LCMT1: variants seen among roughly 807,000 people sequenced by gnomAD.
The protein encoded by LCMT1 is leucine carboxyl methyltransferase 1, also known as [Phosphatase 2A protein]-leucine-carboxy methyltransferase 1.
Under a neutral mutation model 47.7 loss-of-function variants are expected in LCMT1, and 32 were observed. That is an observed-to-expected ratio of 0.67 (90% CI 0.51 to 0.90). The LOEUF (loss-of-function observed/expected upper bound fraction) is 0.90. Among genes scored for constraint, LCMT1 ranks in the 40% least tolerant of loss-of-function variants. The pLI is 0.00. For synonymous variants in LCMT1, 152 were observed against 149.7 expected, an observed-to-expected ratio of 1.02 and a Z score of -0.11; for missense variants, 375 against 415.2, an observed-to-expected ratio of 0.90 and a Z score of 0.84.
intron 5 of LCMT1, among the ~76,000 whole-genome samples, chr16:25,154,406 AT>A (rs1961175649): frequency 1.3e-5 from 2 of 149,856 alleles, no homozygotes; most frequent in East Asian, 3.9e-4. Context: ...CCTCTTGTAA[AT>A]TTTTTTATTT....
At chr16:25,133,698 C>T (rs1597572559) in intron 3 of LCMT1, among the ~76,000 whole-genome samples, 1 of 150,890 alleles carries the variant, frequency 6.6e-6, no homozygotes, top group East Asian at 2.0e-4. Context: ...TGCCTGGCCT[C>T]CTGGGCTTAG....
intron 1 of LCMT1, among the ~76,000 whole-genome samples, chr16:25,112,332 A>T (rs528760813): frequency 2.6e-5 from 4 of 152,336 alleles, no homozygotes; most frequent in African/African-American, 9.6e-5. Context: ...TCGATGGGTT[A>T]CGAGGATGAG....
rs1962018761 is a variant in LCMT1, at chr16:25,178,214, T to C, written c.*191T>C. 3 of 572,064 alleles carry C rather than the reference T, an allele frequency of 5.2e-6. No homozygotes were observed. 35.4% of individuals were successfully genotyped at this position (572,064 alleles called of 1,614,324 possible). ...GTTGACATGTCGTTGTTTAAATAAA[T>C]CTCACTTGCCACCAGTCGCCTGTGG... On this transcript the variant is annotated 3_prime_UTR_variant, in exon 11 of 11. Transcript: ENST00000399069.
chr16:25,120,171 T>TA (rs930901963), intron 1 of LCMT1, among the ~76,000 whole-genome samples: 1 of 151,306 alleles, frequency 6.6e-6, no homozygotes, highest in African/African-American at 2.4e-5. Flanking sequence ...AAAAAATATT[T>TA]AAAAAAACCC....
intron 5 of LCMT1, among the ~76,000 whole-genome samples, chr16:25,154,453 A>G (rs920716167): frequency 1.4e-5 from 2 of 146,700 alleles, no homozygotes; most frequent in African/African-American, 5.0e-5. Flanking sequence ...TTTCCTTTTC[A>G]GTTTATAGGA....
At chr16:25,167,561 C>A (rs911451363) in intron 7 of LCMT1, among the ~76,000 whole-genome samples, 1 of 151,912 alleles carries the variant, frequency 6.6e-6, no homozygotes, top group African/African-American at 2.4e-5. Context: ...GTTCTCCAAC[C>A]CCAGTCTCCC....
At chr16:25,157,007 CAATG>C (rs1201022269) in intron 5 of LCMT1, among the ~76,000 whole-genome samples, 1 of 147,412 alleles carries the variant, frequency 6.8e-6, no homozygotes, top group Non-Finnish European at 1.5e-5. Context: ...GGTCACTTTG[CAATG>C]CTTATCAACA....
intron 10 of LCMT1, among the ~76,000 whole-genome samples, chr16:25,175,503 G>A (rs1042170070): frequency 1.3e-5 from 2 of 151,772 alleles, no homozygotes; most frequent in African/African-American, 4.8e-5. Context: ...GTGGTGGCAG[G>A]CACCTGTAAT....
intron 7 of LCMT1, among the ~76,000 whole-genome samples, chr16:25,167,410 C>CA (rs1961619349): frequency 6.6e-6 from 1 of 151,834 alleles, no homozygotes; most frequent in African/African-American, 2.4e-5. Flanking sequence ...CTTGAGCTCC[C>CA]AGGTTCAAGT....
rs539723354 is a variant in LCMT1 at position 25,166,697 on chromosome 16, C to T, written c.690+1979C>T. Among the ~76,000 whole-genome samples the T allele has an allele frequency of 8.9e-4, 135 of 152,298 alleles. 1 individual carries two copies. The South Asian group carries it at 0.026, about 29-fold the overall frequency. On this transcript the variant is annotated intron_variant, in intron 7 of 10. Coordinates refer to ENST00000399069, the MANE Select transcript of LCMT1 (RefSeq NM_016309.3). ...CCATCAGGGGACTTGCCCAGTGTCACGTAATTATGGACAGATCTAGGGCTA... is the reference window on the plus strand; with the variant it reads ...CCATCAGGGGACTTGCCCAGTGTCATGTAATTATGGACAGATCTAGGGCTA...
At chr16:25,166,665 A>G (rs1465643861) in intron 7 of LCMT1, among the ~76,000 whole-genome samples, 1 of 152,174 alleles carries the variant, frequency 6.6e-6, no homozygotes, top group Admixed American at 6.6e-5. Context: ...TTTATCACAC[A>G]TAAGAGCCAT....
chr16:25,129,907 G>C (rs747308783), intron 2 of LCMT1, among the ~76,000 whole-genome samples: 1 of 152,202 alleles, frequency 6.6e-6, no homozygotes, highest in Non-Finnish European at 1.5e-5. Flanking sequence ...TCTAGAGGAC[G>C]TGGGTCTTTT....
chr16:25,149,344 G>A (rs1413370595), intron 4 of LCMT1, among the ~76,000 whole-genome samples: 1 of 152,184 alleles, frequency 6.6e-6, no homozygotes, highest in South Asian at 2.1e-4. Flanking sequence ...GGACACCCCT[G>A]CTGTAAATCA....
At chr16:25,157,585 A>G (rs551040383) in intron 5 of LCMT1, among the ~76,000 whole-genome samples, 11 of 152,328 alleles carry the variant, frequency 7.2e-5, no homozygotes, top group African/African-American at 2.2e-4. Context: ...GATTAGGACG[A>G]TAAAGTATAT....
At chr16:25,146,953 C>T (rs993078834) in intron 4 of LCMT1, 3 of 152,220 alleles carry the variant, frequency 2.0e-5, no homozygotes, top group African/African-American at 7.2e-5. Context: ...TCCATAGTCT[C>T]ACTCACGTGG....
intron 1 of LCMT1, chr16:25,125,927 C>T: frequency 1.4e-5 from 16 of 1,122,152 alleles, no homozygotes; most frequent in Non-Finnish European, 1.8e-5. Context: ...AACTGATGTC[C>T]TATAAATCCT....
chr16:25,139,428 T>G (rs1960607585), intron 3 of LCMT1, among the ~76,000 whole-genome samples: 1 of 151,968 alleles, frequency 6.6e-6, no homozygotes, highest in African/African-American at 2.4e-5. Flanking sequence ...GAGAATCGCT[T>G]GAACCCGGGA....
At chr16:25,166,282 A>AAG (rs1961589505) in intron 7 of LCMT1, among the ~76,000 whole-genome samples, 1 of 151,846 alleles carries the variant, frequency 6.6e-6, no homozygotes, top group Non-Finnish European at 1.5e-5. Flanking sequence ...AAAAAAAAAA[A>AAG]AAAGAAAGAA....
intron 7 of LCMT1, among the ~76,000 whole-genome samples, chr16:25,166,468 T>C (rs555612807): frequency 3.3e-5 from 5 of 151,888 alleles, no homozygotes; most frequent in Non-Finnish European, 7.4e-5. Context: ...GTGGTGGGGA[T>C]CATGGCTTAC....
Sources: allele counts gnomAD v4.1 joint callset (sites outside exome capture counted in the v4.1 genomes callset), GRCh38; gene constraint gnomAD v4.1.1; transcripts MANE v1.5; gene names NCBI Gene and HGNC (gene_info 2026-07-23, HGNC 2026-07-21).